Variants in KANSL1 observed in about 807,000 individuals in gnomAD.
The protein encoded by KANSL1 is MLL1/MLL complex subunit KANSL1.
In KANSL1, 22 loss-of-function variants were observed where a neutral mutation model predicts 103.6. The ratio of observed to expected loss-of-function variants is 0.21; its 90% CI spans 0.15 to 0.30. KANSL1 has a LOEUF of 0.30. KANSL1 is among the 10% of genes least tolerant of loss of function. The probability of loss-of-function intolerance (pLI) is 1.00; values close to 1 mark genes in which losing one functional copy is unlikely to be tolerated. For synonymous variants in KANSL1, 600 were observed against 527.6 expected, an observed-to-expected ratio of 1.14 and a Z score of -1.88; for missense variants, 1,337 against 1,399.8, an observed-to-expected ratio of 0.96 and a Z score of 0.72.
intron 13 of KANSL1, chr17:46,032,548 C>T: frequency 2.3e-6 from 1 of 426,240 alleles, no homozygotes; most frequent in Admixed American, 3.8e-5. Flanking sequence ...CTAGTGAATT[C>T]AGGAGGTTAG....
intron 2 of KANSL1, among the ~76,000 whole-genome samples, chr17:46,102,321 C>T (rs2042358076): frequency 6.6e-6 from 1 of 152,198 alleles, no homozygotes; most frequent in Non-Finnish European, 1.5e-5. Flanking sequence ...ACGATCTCAG[C>T]TCACTGCAAC....
intron 1 of KANSL1, among the ~76,000 whole-genome samples, chr17:46,202,631 A>G (rs2047840371): frequency 6.6e-6 from 1 of 152,240 alleles, no homozygotes; most frequent in South Asian, 2.1e-4. Flanking sequence ...ATATTATAAA[A>G]GAGACCATAA....
At chr17:46,089,411 T>C (rs79742176) in intron 3 of KANSL1, among the ~76,000 whole-genome samples, 1 of 151,870 alleles carries the variant, frequency 6.6e-6, no homozygotes, top group African/African-American at 2.4e-5. Flanking sequence ...TTTTTTTTTT[T>C]GGTAATACGC....
rs58833932 is a variant in KANSL1 at position 46,185,692 on chromosome 17, TACACACACACACAC to T, written c.-90+7117_-90+7130del. 9.1e-4 allele frequency among the ~76,000 whole-genome samples: 131 copies of T among 144,384 alleles called. 1 individual carries two copies. The highest frequency in any genetic ancestry group is 2.2e-3 in the African/African-American group (82 of 37,044). The allele number at this position is 144,384 out of a possible 152,430, so 94.7% of individuals were successfully genotyped here. A position where few individuals can be genotyped will look rare whatever the true frequency, so the allele number is the denominator to read the frequency against. On this transcript the variant is annotated intron_variant, in intron 1 of 14. Coordinates refer to ENST00000432791, the MANE Select transcript of KANSL1 (RefSeq NM_015443.4). ...ACACATATATATACACACACATATA[TACACACACACACAC>T]ACACACACACACACACACACACACA...
chr17:46,105,301 T>C (rs1216085765), intron 2 of KANSL1, among the ~76,000 whole-genome samples: 1 of 152,202 alleles, frequency 6.6e-6, no homozygotes, highest in East Asian at 1.9e-4. Flanking sequence ...ATTCTGTATG[T>C]GATACTAATT....
At position 46,076,575 on chromosome 17, in the gene KANSL1, T is replaced by C. The variant is rs567474950; in HGVS notation, c.1533+5866A>G. On this transcript the variant is annotated intron_variant, in intron 4 of 14. Transcript: ENST00000432791. ...TACATACTTGAAAATCAATGTTCAA[T>C]TGTTACCAAAAACAACACAACATAA... 4.8e-5 allele frequency among the ~76,000 whole-genome samples: 6 copies of C among 123,902 alleles called. 1 individual carries two copies. The highest frequency in any genetic ancestry group is 8.1e-5 in the Non-Finnish European group (4 of 49,182). The allele number at this position is 123,902 out of a possible 152,430, so 81.3% of individuals were successfully genotyped here.
At chr17:46,051,579 A>C (rs548794913) in intron 6 of KANSL1, among the ~76,000 whole-genome samples, 1 of 152,374 alleles carries the variant, frequency 6.6e-6, no homozygotes, top group Admixed American at 6.5e-5. Flanking sequence ...GGATCCCTAC[A>C]TTCTAGTGTT....
chr17:46,053,863 C>T (rs1429058543), intron 6 of KANSL1, among the ~76,000 whole-genome samples: 1 of 152,088 alleles, frequency 6.6e-6, no homozygotes, highest in Non-Finnish European at 1.5e-5. Flanking sequence ...TGTACACACG[C>T]ACACGCTCTT....
At chr17:46,136,059 AC>A (rs1216334948) in intron 2 of KANSL1, among the ~76,000 whole-genome samples, 1 of 152,084 alleles carries the variant, frequency 6.6e-6, no homozygotes, top group Non-Finnish European at 1.5e-5. Context: ...ATCATTCAAC[AC>A]CCACATAAAT....
chr17:46,202,919 CT>C (rs1268518218), intron 1 of KANSL1, among the ~76,000 whole-genome samples: 2 of 152,180 alleles, frequency 1.3e-5, no homozygotes, highest in Non-Finnish European at 2.9e-5. Context: ...TTAAATGAAA[CT>C]GTATCTTCTT....
intron 2 of KANSL1, among the ~76,000 whole-genome samples, chr17:46,167,512 ACAT>A (rs2046065403): frequency 1.3e-5 from 2 of 152,272 alleles, no homozygotes; most frequent in African/African-American, 4.8e-5. Flanking sequence ...TTGTTTAGTG[ACAT>A]CATATCAAAC....
intron 2 of KANSL1, among the ~76,000 whole-genome samples, chr17:46,144,845 T>C (rs2044615700): frequency 6.6e-6 from 1 of 152,184 alleles, no homozygotes; most frequent in African/African-American, 2.4e-5. Context: ...AACTTACGAC[T>C]ACACCTTTTC....
At chr17:46,146,250 G>A (rs980741124) in intron 2 of KANSL1, among the ~76,000 whole-genome samples, 1 of 152,192 alleles carries the variant, frequency 6.6e-6, no homozygotes, top group Non-Finnish European at 1.5e-5. Context: ...TAGTTTTCAT[G>A]AGAACTTTCA....
intron 1 of KANSL1, among the ~76,000 whole-genome samples, chr17:46,185,417 C>G (rs929732941): frequency 6.6e-6 from 1 of 152,160 alleles, no homozygotes; most frequent in Non-Finnish European, 1.5e-5. Flanking sequence ...TTTAACTACA[C>G]TTTTTAAGCT....
At chr17:46,179,651 C>G (rs1441642361) in intron 1 of KANSL1, among the ~76,000 whole-genome samples, 2 of 152,170 alleles carry the variant, frequency 1.3e-5, no homozygotes, top group East Asian at 3.8e-4. Flanking sequence ...TGAAAATTAG[C>G]TAAAATGTCA....
chr17:46,149,858 CAA>C (rs67220813), intron 2 of KANSL1, among the ~76,000 whole-genome samples: 8 of 137,282 alleles, frequency 5.8e-5, no homozygotes, highest in Non-Finnish European at 7.8e-5. Context: ...ACTAAAAATA[CAA>C]AAAAAAAAAA....
chr17:46,114,532 C>T (rs908908458), intron 2 of KANSL1, among the ~76,000 whole-genome samples: 2 of 152,186 alleles, frequency 1.3e-5, no homozygotes, highest in Non-Finnish European at 2.9e-5. Flanking sequence ...CTCCCTAGGA[C>T]TTCTACATTG....
At position 46,136,280 on chromosome 17, in the gene KANSL1, T is replaced by C. The variant is rs138743441; in HGVS notation, c.1289+34575A>G. ...AAAAAATCTAGGGTATATAGGTTGA[T>C]GTACCTTCCTTGATCAAAACTCTTA... On this transcript the variant is annotated intron_variant, in intron 2 of 14. Transcript: ENST00000432791. Among the ~76,000 whole-genome samples the C allele has an allele frequency of 5.3e-3, 808 of 152,348 alleles. 7 individuals carry two copies. Among genetic ancestry groups the C allele is most frequent in the African/African-American group, 0.018 (732 of 41,560 alleles).
At chr17:46,048,642 C>T (rs2077598001) in intron 7 of KANSL1, among the ~76,000 whole-genome samples, 1 of 152,126 alleles carries the variant, frequency 6.6e-6, no homozygotes, top group Non-Finnish European at 1.5e-5. Context: ...AGGCTGGGCA[C>T]AGATCATGAG....
Sources: allele counts gnomAD v4.1 joint callset (sites outside exome capture counted in the v4.1 genomes callset), GRCh38; gene constraint gnomAD v4.1.1; transcripts MANE v1.5; gene names NCBI Gene and HGNC (gene_info 2026-07-23, HGNC 2026-07-21).